The following LDLRAD3 variants were observed in gnomAD, a reference collection of about 807,000 sequenced individuals.
LDLRAD3 encodes low-density lipoprotein receptor class A domain-containing protein 3.
In LDLRAD3, 20 loss-of-function variants were observed where a neutral mutation model predicts 29.4. The ratio of observed to expected loss-of-function variants is 0.68; its 90% CI spans 0.48 to 0.99. The LOEUF (loss-of-function observed/expected upper bound fraction) is 0.99, where lower values mean the gene tolerates loss of function less well. Ranked by LOEUF, LDLRAD3 falls within the 50% of genes least tolerant of loss-of-function variation. The probability of loss-of-function intolerance (pLI) is 0.00; values close to 1 mark genes in which losing one functional copy is unlikely to be tolerated. For synonymous variants in LDLRAD3, 157 were observed against 192.7 expected, an observed-to-expected ratio of 0.81 and a Z score of 1.53; for missense variants, 420 against 454.3, an observed-to-expected ratio of 0.92 and a Z score of 0.69.
chr11:35,978,441 C>T (rs1473789218), intron 1 of LDLRAD3, among the ~76,000 whole-genome samples: 1 of 152,194 alleles, frequency 6.6e-6, no homozygotes, highest in Non-Finnish European at 1.5e-5. Context: ...CCCAGTACGG[C>T]CATCAGTTAA....
intron 4 of LDLRAD3, among the ~76,000 whole-genome samples, chr11:36,143,262 T>A (rs1854113781): frequency 6.6e-6 from 1 of 152,146 alleles, no homozygotes; most frequent in South Asian, 2.1e-4. Flanking sequence ...CAGCCTTGCT[T>A]CCCCTGCTTA....
At chr11:36,057,056 T>A (rs1347984024) in intron 2 of LDLRAD3, among the ~76,000 whole-genome samples, 1 of 152,104 alleles carries the variant, frequency 6.6e-6, no homozygotes, top group Non-Finnish European at 1.5e-5. Context: ...GAGTTTATGA[T>A]TTTCAGGGAG....
rs1262441243 is a variant in LDLRAD3, at chr11:35,944,229, C to T, written c.46+85C>T. The T allele has an allele frequency of 2.5e-6, 2 of 810,690 alleles. No individual in the cohort carries two copies. Among genetic ancestry groups the T allele is most frequent in the East Asian group, 2.5e-4 (2 of 8,154 alleles). The allele number at this position is 810,690 out of a possible 1,614,324, so 50.2% of individuals were successfully genotyped here. On this transcript the variant is annotated intron_variant, in intron 1 of 5. Coordinates refer to ENST00000315571, the MANE Select transcript of LDLRAD3 (RefSeq NM_174902.4). This position sits in a 1 kb window ranked among gnomAD's most constrained non-coding sequence, Gnocchi z 4.9. ...CAGCGGCCGGGTGCGATCGCGTCCTCTCCCGGGCGCGGGCCGCTCTCCGGG... is the reference window on the plus strand; with the variant it reads ...CAGCGGCCGGGTGCGATCGCGTCCTTTCCCGGGCGCGGGCCGCTCTCCGGG...
At chr11:35,982,260 CTT>C (rs761513869) in intron 1 of LDLRAD3, among the ~76,000 whole-genome samples, 3 of 152,114 alleles carry the variant, frequency 2.0e-5, no homozygotes, top group Admixed American at 1.3e-4. Flanking sequence ...TTCTGGCACT[CTT>C]TGTCGTTCCT....
At chr11:36,170,333 C>T (rs7952532) in intron 4 of LDLRAD3, among the ~76,000 whole-genome samples, 118,604 of 142,404 alleles carry the variant, frequency 0.83, 49,446 homozygotes, top group Non-Finnish European at 0.92. Flanking sequence ...TATATATGTA[C>T]GTATATACGT....
intron 4 of LDLRAD3, chr11:36,196,305 A>G (rs551628750): frequency 6.6e-6 from 1 of 152,304 alleles, no homozygotes; most frequent in South Asian, 2.1e-4. Flanking sequence ...AGAAGGTGAG[A>G]GAGAAAGAGA....
intron 4 of LDLRAD3, among the ~76,000 whole-genome samples, chr11:36,124,405 T>C (rs1321262038): frequency 6.6e-6 from 1 of 152,174 alleles, no homozygotes; most frequent in African/African-American, 2.4e-5. Context: ...CCCTATAAGG[T>C]AGGTATTCTT....
chr11:36,114,508 C>T (rs1411419665), intron 4 of LDLRAD3, among the ~76,000 whole-genome samples: 2 of 152,284 alleles, frequency 1.3e-5, no homozygotes, highest in East Asian at 3.9e-4. Flanking sequence ...ATCAAGGTGA[C>T]AGTTGTTCTC....
At chr11:36,203,222 C>T (rs1855153054) in intron 4 of LDLRAD3, among the ~76,000 whole-genome samples, 2 of 152,172 alleles carry the variant, frequency 1.3e-5, no homozygotes, top group Non-Finnish European at 2.9e-5. Context: ...CCCATCTCAG[C>T]CTCCAAAAGT....
chr11:36,136,161 A>T (rs907809836), intron 4 of LDLRAD3, among the ~76,000 whole-genome samples: 1 of 152,160 alleles, frequency 6.6e-6, no homozygotes, highest in African/African-American at 2.4e-5. Context: ...GCCTTCATGA[A>T]TGTGTGCTGC....
At chr11:36,037,199 G>T (rs1403993820) in intron 2 of LDLRAD3, among the ~76,000 whole-genome samples, 1 of 152,182 alleles carries the variant, frequency 6.6e-6, no homozygotes, top group East Asian at 1.9e-4. Flanking sequence ...TCTTTCATGT[G>T]CTTTGGGCAC....
chr11:36,226,775 A>G (rs1855504963), intron 4 of LDLRAD3, among the ~76,000 whole-genome samples: 1 of 152,190 alleles, frequency 6.6e-6, no homozygotes, highest in South Asian at 2.1e-4. Flanking sequence ...TATATACAGA[A>G]TCTTACAATA....
At chr11:36,085,331 T>C (rs913799945) in intron 3 of LDLRAD3, among the ~76,000 whole-genome samples, 1 of 150,012 alleles carries the variant, frequency 6.7e-6, no homozygotes, top group African/African-American at 2.5e-5. Flanking sequence ...ATCATTTTTC[T>C]TTAGCTGCTT....
rs1026016444 is a variant in LDLRAD3, at chr11:36,231,660, CAG to C, written c.*2264_*2265del. 3 of 151,950 alleles carry C rather than the reference CAG, an allele frequency of 2.0e-5. No homozygotes were observed. The highest frequency in any genetic ancestry group is 1.3e-4 in the Admixed American group (2 of 15,260). 9.4% of individuals were successfully genotyped at this position (151,950 alleles called of 1,614,324 possible). A position where few individuals can be genotyped will look rare whatever the true frequency, so the allele number is the denominator to read the frequency against. On this transcript the variant is annotated 3_prime_UTR_variant, in exon 6 of 6. Coordinates refer to ENST00000315571, the MANE Select transcript of LDLRAD3 (RefSeq NM_174902.4). ...CCTACTAATGCTTTTTTAAAACAAA[CAG>C]GGACATTTTTATTATAGATTTGATT...
At chr11:36,100,718 G>T (rs964206909) in intron 4 of LDLRAD3, among the ~76,000 whole-genome samples, 1 of 152,210 alleles carries the variant, frequency 6.6e-6, no homozygotes, top group Non-Finnish European at 1.5e-5. Context: ...ATTTACAGGC[G>T]TGAGCCACTG....
intron 1 of LDLRAD3, among the ~76,000 whole-genome samples, chr11:35,974,107 C>T (rs1851448502): frequency 6.6e-6 from 1 of 152,090 alleles, no homozygotes; most frequent in Non-Finnish European, 1.5e-5. Flanking sequence ...ATACAAGTTG[C>T]AGATATATTT....
chr11:36,175,516 T>C (rs1366393727), intron 4 of LDLRAD3, among the ~76,000 whole-genome samples: 1 of 152,196 alleles, frequency 6.6e-6, no homozygotes, highest in Admixed American at 6.5e-5. Flanking sequence ...GTATCACTAT[T>C]ATTGTTCAGT....
intron 4 of LDLRAD3, among the ~76,000 whole-genome samples, chr11:36,134,775 C>G (rs143314616): frequency 2.6e-5 from 4 of 152,292 alleles, no homozygotes; most frequent in South Asian, 2.1e-4. Context: ...TGAGAACCTC[C>G]CCTCTTGCTG....
At chr11:36,032,737 C>G (rs1456546851) in intron 1 of LDLRAD3, among the ~76,000 whole-genome samples, 1 of 152,010 alleles carries the variant, frequency 6.6e-6, no homozygotes, top group African/African-American at 2.4e-5. Flanking sequence ...TGTTGAAAAC[C>G]CATGGTTGAA....
Sources: gnomAD v4.1 joint callset for allele counts (sites outside exome capture counted in the v4.1 genomes callset) on GRCh38, gnomAD v4.1.1 for gene constraint, Gnocchi (gnomAD v3.1) non-coding constraint, MANE v1.5 for transcripts, NCBI Gene and HGNC (gene_info 2026-07-23, HGNC 2026-07-21) for gene names.